Variants in SNAP25 observed in about 807,000 individuals in gnomAD.
SNAP25 encodes the protein synaptosomal-associated protein 25.
Under a neutral mutation model 28.7 loss-of-function variants are expected in SNAP25, and 3 were observed. That is an observed-to-expected ratio of 0.10 (90% CI 0.05 to 0.27). The LOEUF (loss-of-function observed/expected upper bound fraction) is 0.27. SNAP25 is among the 10% of genes least tolerant of loss of function. SNAP25 has a pLI of 1.00. For missense variants in SNAP25, 117 were observed against 278.7 expected, an observed-to-expected ratio of 0.42 and a Z score of 4.13; for synonymous variants, 61 against 88.1, an observed-to-expected ratio of 0.69 and a Z score of 1.72.
In SNAP25 at chr20:10,239,366, TAGG is replaced by T. The variant is rs893981576; in HGVS notation, c.-64+20394_-64+20396del. Among the ~76,000 whole-genome samples, 340 of 152,176 alleles carry T rather than the reference TAGG, an allele frequency of 2.2e-3. 1 individual carries two copies. The highest frequency in any genetic ancestry group is 7.6e-3 in the African/African-American group (316 of 41,496). ...GTAAGTGCTCTGAAGACAAATAAAG[TAGG>T]AGGAACAGAGAGAACGAAGGAGATA... On this transcript the variant is annotated intron_variant, in intron 1 of 7. Coordinates refer to ENST00000254976, the MANE Select transcript of SNAP25 (RefSeq NM_130811.4).
intron 1 of SNAP25, among the ~76,000 whole-genome samples, chr20:10,220,536 C>A (rs888735273): frequency 6.6e-6 from 1 of 152,186 alleles, no homozygotes; most frequent in Non-Finnish European, 1.5e-5. Context: ...TCTCTTATGG[C>A]ACTGCGGGAT....
At chr20:10,269,659 G>A (rs564650894) in intron 1 of SNAP25, among the ~76,000 whole-genome samples, 13 of 152,258 alleles carry the variant, frequency 8.5e-5, no homozygotes, top group African/African-American at 3.1e-4. Context: ...GCTTTTGGGG[G>A]CATATAGTCT....
At chr20:10,281,059 C>T (rs2063770638) in intron 3 of SNAP25, among the ~76,000 whole-genome samples, 1 of 151,892 alleles carries the variant, frequency 6.6e-6, no homozygotes, top group Non-Finnish European at 1.5e-5. Context: ...TAAAGATTGT[C>T]TTAGTTCATC....
rs933126353 is a variant in SNAP25 at position 10,296,864 on chromosome 20, A to G, written c.282-61A>G. ...TCGATTCTTCGCTTGAAGAAGTGAC[A>G]ATTGTTGAGAGCTTGCTCCTCCACC... On this transcript the variant is annotated intron_variant, in intron 5 of 7. Coordinates refer to ENST00000254976, the MANE Select transcript of SNAP25 (RefSeq NM_130811.4). 7 of 1,607,328 alleles carry G rather than the reference A, an allele frequency of 4.4e-6. No homozygotes were observed. In the Admixed American group the frequency reaches 1.2e-4, roughly 27 times the overall value.
At chr20:10,270,364 C>G (rs1003597292) in intron 1 of SNAP25, among the ~76,000 whole-genome samples, 2 of 152,172 alleles carry the variant, frequency 1.3e-5, no homozygotes, top group African/African-American at 4.8e-5. Flanking sequence ...AACGTGTGCT[C>G]TGTGAACCAG....
intron 1 of SNAP25, among the ~76,000 whole-genome samples, chr20:10,225,414 G>A (rs2062717877): frequency 6.6e-6 from 1 of 152,118 alleles, no homozygotes; most frequent in South Asian, 2.1e-4. Flanking sequence ...CCTAAAAAGA[G>A]ATGGGGGGAA....
intron 1 of SNAP25, among the ~76,000 whole-genome samples, chr20:10,226,761 G>A (rs890058330): frequency 2.0e-5 from 3 of 152,040 alleles, no homozygotes; most frequent in Admixed American, 6.6e-5. Context: ...AGCCATCACC[G>A]AACTCAGTAA....
At chr20:10,264,894 G>T (rs939598991) in intron 1 of SNAP25, among the ~76,000 whole-genome samples, 17 of 149,796 alleles carry the variant, frequency 1.1e-4, no homozygotes, top group Admixed American at 1.1e-3. Flanking sequence ...AAAAGATTTT[G>T]ATGCAAGGAG....
intron 1 of SNAP25, among the ~76,000 whole-genome samples, chr20:10,251,407 G>C (rs559135287): frequency 6.6e-6 from 1 of 152,312 alleles, no homozygotes; most frequent in South Asian, 2.1e-4. Context: ...GCCTACTCCA[G>C]GAGATGCCAT....
rs762227899 is a variant in SNAP25 at position 10,264,241 on chromosome 20, A to C, written c.-63-11188A>C. Among the ~76,000 whole-genome samples the C allele has an allele frequency of 4.6e-5, 7 of 152,084 alleles. 1 individual carries two copies. Among genetic ancestry groups the C allele is most frequent in the Non-Finnish European group, 8.8e-5 (6 of 68,008 alleles). On this transcript the variant is annotated intron_variant, in intron 1 of 7. Transcript: ENST00000254976. ...CACTAATCCTGGACTAGCCCAGGGA[A>C]GGGGCATATCAGGGAAGCCAGACTT...
chr20:10,242,017 A>C (rs565802896), intron 1 of SNAP25, among the ~76,000 whole-genome samples: 3 of 152,154 alleles, frequency 2.0e-5, no homozygotes, highest in Non-Finnish European at 4.4e-5. Context: ...ATTCCTTACT[A>C]GGGGATCCCT....
At chr20:10,282,590 A>T (rs567982791) in intron 3 of SNAP25, among the ~76,000 whole-genome samples, 1 of 152,366 alleles carries the variant, frequency 6.6e-6, no homozygotes, top group East Asian at 1.9e-4. Context: ...GTATAATAGA[A>T]TATCAAGAAA....
chr20:10,274,944 G>A (rs993719118), intron 1 of SNAP25, among the ~76,000 whole-genome samples: 4 of 152,058 alleles, frequency 2.6e-5, no homozygotes, highest in African/African-American at 9.7e-5. Flanking sequence ...AGGAGTAATG[G>A]CTATGTTCAT....
chr20:10,233,699 A>G (rs1322477468), intron 1 of SNAP25, among the ~76,000 whole-genome samples: 1 of 152,156 alleles, frequency 6.6e-6, no homozygotes, highest in Non-Finnish European at 1.5e-5. Context: ...AGGCTGCAAG[A>G]TTGTGCCTCT....
intron 1 of SNAP25, among the ~76,000 whole-genome samples, chr20:10,221,380 T>C (rs138993349): frequency 1.1e-3 from 164 of 152,268 alleles, no homozygotes; most frequent in African/African-American, 3.7e-3. Flanking sequence ...AATATATCAT[T>C]GAACCATGAA....
chr20:10,260,102 C>T (rs2063385763), intron 1 of SNAP25, among the ~76,000 whole-genome samples: 1 of 152,126 alleles, frequency 6.6e-6, no homozygotes, highest in Non-Finnish European at 1.5e-5. Flanking sequence ...TCATTTCCTC[C>T]CAGTGCTGAT....
intron 1 of SNAP25, among the ~76,000 whole-genome samples, chr20:10,236,800 A>G (rs1461622572): frequency 6.6e-6 from 1 of 152,030 alleles, no homozygotes; most frequent in East Asian, 1.9e-4. Context: ...CCAGCTGCCT[A>G]GCCAGGCACT....
At chr20:10,249,445 G>C (rs1339139299) in intron 1 of SNAP25, among the ~76,000 whole-genome samples, 2 of 152,154 alleles carry the variant, frequency 1.3e-5, no homozygotes, top group Non-Finnish European at 2.9e-5. Flanking sequence ...CTATTGACGG[G>C]AACCTGTTCC....
chr20:10,236,633 C>T (rs1276076933), intron 1 of SNAP25, among the ~76,000 whole-genome samples: 2 of 152,078 alleles, frequency 1.3e-5, no homozygotes, highest in African/African-American at 4.8e-5. Context: ...GTAATGGGAA[C>T]ACAAGGGAGG....
Sources: gnomAD v4.1 joint callset for allele counts (sites outside exome capture counted in the v4.1 genomes callset) on GRCh38, gnomAD v4.1.1 for gene constraint, MANE v1.5 for transcripts, NCBI Gene and HGNC (gene_info 2026-07-23, HGNC 2026-07-21) for gene names.